MYLIP: variants seen among roughly 807,000 people sequenced by gnomAD.
MYLIP encodes myosin regulatory light chain interacting protein.
A neutral mutation model predicts 45.8 loss-of-function variants in MYLIP; 26 were observed. That is an observed-to-expected ratio of 0.57 (90% CI 0.42 to 0.79). The LOEUF (loss-of-function observed/expected upper bound fraction) is 0.79. Ranked by LOEUF, MYLIP falls within the 30% of genes least tolerant of loss-of-function variation. The probability of loss-of-function intolerance (pLI) is 0.00; values close to 1 mark genes in which losing one functional copy is unlikely to be tolerated. For missense variants in MYLIP, 494 were observed against 555.6 expected, an observed-to-expected ratio of 0.89 and a Z score of 1.11; for synonymous variants, 213 against 218.1, an observed-to-expected ratio of 0.98 and a Z score of 0.21.
chr6:16,129,434 C>G lies in MYLIP; in HGVS notation c.87+25C>G. 1 of 1,562,844 alleles carries G rather than the reference C, an allele frequency of 6.4e-7. No homozygotes were observed. The highest frequency in any genetic ancestry group is 8.7e-7 in the Non-Finnish European group (1 of 1,154,412). ...GGTGAGGGCGAGGGGCAAGAAGGGGCCCCGGCGGGTCCCGCGAGGCCGAGG... is the reference window on the plus strand; with the variant it reads ...GGTGAGGGCGAGGGGCAAGAAGGGGGCCCGGCGGGTCCCGCGAGGCCGAGG... On this transcript the variant is annotated intron_variant, in intron 1 of 6. Coordinates refer to ENST00000356840, the MANE Select transcript of MYLIP (RefSeq NM_013262.4). The surrounding 1 kb of genome is among the most constrained non-coding windows in gnomAD (Gnocchi z 5.1).
downstream of MYLIP, among the ~76,000 whole-genome samples, chr6:16,152,908 T>G (rs147586314): frequency 7.2e-5 from 11 of 152,200 alleles, no homozygotes; most frequent in African/African-American, 2.6e-4. Context: ...ATACAGGGTA[T>G]GTGGTTGGAT....
chr6:16,133,058 G>C (rs1428492525), intron 2 of MYLIP, among the ~76,000 whole-genome samples: 5 of 152,192 alleles, frequency 3.3e-5, no homozygotes, highest in African/African-American at 9.7e-5. Context: ...TAACTTATTA[G>C]TTCATATCAG....
intron 2 of MYLIP, among the ~76,000 whole-genome samples, chr6:16,136,040 T>A (rs1759549781): frequency 6.6e-6 from 1 of 152,116 alleles, no homozygotes; most frequent in African/African-American, 2.4e-5. Context: ...TACTTCAGCA[T>A]GCATAACATT....
Position 16,145,307 on chromosome 6 carries a change from C to T in MYLIP, c.1238C>T (p.Ala413Val). The change falls in exon 6 of 7, where the codon GCC becomes GTC. Residue 413 changes from alanine (A) to valine (V), a missense_variant. Transcript: ENST00000356840. ...ACTGTGTGCTGTGAGAGCTGCGCCG[C>T]CCAGCTACAGGTAGGGGAGTCAGCT... ...GHTVCCESCA[A>V]QLQSCPVCRS... The T allele has an allele frequency of 6.3e-7, 1 of 1,587,562 alleles. No homozygotes were observed. Among genetic ancestry groups the T allele is most frequent in the Non-Finnish European group, 8.6e-7 (1 of 1,162,266 alleles).
At chr6:16,152,242 G>C (rs1759887170), downstream of MYLIP, among the ~76,000 whole-genome samples, 1 of 152,260 alleles carries the variant, frequency 6.6e-6, no homozygotes, top group Admixed American at 6.5e-5. Context: ...GAAAGCTACA[G>C]TAAGGAGTTT....
intron 2 of MYLIP, among the ~76,000 whole-genome samples, chr6:16,136,599 G>A (rs1581603073): frequency 6.6e-6 from 1 of 152,120 alleles, no homozygotes. Flanking sequence ...ATACCTAAGA[G>A]TGGAATAGCT....
the MYLIP span, among the ~76,000 whole-genome samples, chr6:16,157,550 A>T: frequency 6.6e-6 from 1 of 152,246 alleles, no homozygotes; most frequent in Admixed American, 6.5e-5. Context: ...TCAATAGATG[A>T]ATGACTCATA....
downstream of MYLIP, among the ~76,000 whole-genome samples, chr6:16,151,798 C>T (rs893373569): frequency 9.9e-5 from 15 of 152,138 alleles, no homozygotes; most frequent in African/African-American, 3.4e-4. Context: ...AGAAAAAATA[C>T]ACTTTAAGCA....
At position 16,147,466 on chromosome 6, in the gene MYLIP, T is replaced by C. The variant is rs1236323503; in HGVS notation, c.*715T>C. The C allele has an allele frequency of 6.6e-6, 1 of 152,450 alleles. No homozygotes were observed. Among genetic ancestry groups the C allele is most frequent in the African/African-American group, 2.4e-5 (1 of 41,440 alleles). The allele number at this position is 152,450 out of a possible 1,614,324, so 9.4% of individuals were successfully genotyped here. A position where few individuals can be genotyped will look rare whatever the true frequency, so the allele number is the denominator to read the frequency against. On this transcript the variant is annotated 3_prime_UTR_variant, in exon 7 of 7. Coordinates refer to ENST00000356840, the MANE Select transcript of MYLIP (RefSeq NM_013262.4). ...TTATAAAATACTACCAATCTTGTTA[T>C]AAGATTACTGTGGAGTAGTCAAGTA... is the stretch of plus-strand genomic sequence containing the variant.
chr6:16,161,551 A>G, the MYLIP span: 2 of 152,592 alleles, frequency 1.3e-5, no homozygotes, highest in East Asian at 3.8e-4. Flanking sequence ...ACTTGAGATG[A>G]AAATATCAAG....
chr6:16,140,970 G>A (rs185412324), intron 2 of MYLIP, among the ~76,000 whole-genome samples: 10 of 152,180 alleles, frequency 6.6e-5, no homozygotes, highest in African/African-American at 2.4e-4. Context: ...ACAAATGGGA[G>A]GATAGAACTG....
At chr6:16,162,377 C>CA in the MYLIP span, among the ~76,000 whole-genome samples, 4 of 152,096 alleles carry the variant, frequency 2.6e-5, no homozygotes, top group African/African-American at 7.2e-5. Context: ...ATTCCTATCA[C>CA]AAAAAACACC....
chr6:16,136,375 A>AT (rs1759556757), intron 2 of MYLIP, among the ~76,000 whole-genome samples: 1 of 151,922 alleles, frequency 6.6e-6, no homozygotes, highest in African/African-American at 2.4e-5. Context: ...TTCATCACAG[A>AT]TTTTTTGAGA....
chr6:16,145,141 A>G lies in MYLIP; in HGVS notation c.1072A>G (p.Met358Val), dbSNP rs749830853. Residue 358 changes from methionine (M) to valine (V), a missense_variant, in exon 6 of 7, where the codon ATG becomes GTG. Physicochemically the swap from Met to Val is conservative, Grantham distance 21 (BLOSUM62 1). Coordinates refer to ENST00000356840, the MANE Select transcript of MYLIP (RefSeq NM_013262.4). The part of the protein sequence containing the change: ...HSPLKSSESS[M>V]NCSSCEGLSC... ...GCCTCTGAAGTCCTCAGAAAGCAGCATGAACTGCAGCAGCTGCGAGGGCCT... is the reference window on the plus strand; with the variant it reads ...GCCTCTGAAGTCCTCAGAAAGCAGCGTGAACTGCAGCAGCTGCGAGGGCCT... 6.2e-7 allele frequency: 1 copy of G among 1,614,200 alleles called. No individual in the cohort carries two copies. Among genetic ancestry groups the G allele is most frequent in the Non-Finnish European group, 8.5e-7 (1 of 1,180,032 alleles).
the MYLIP span, among the ~76,000 whole-genome samples, chr6:16,160,039 C>A: frequency 2.6e-5 from 4 of 152,194 alleles, no homozygotes; most frequent in African/African-American, 9.6e-5. Context: ...GCTCACCCTC[C>A]TGGAAGTTTG....
chr6:16,139,479 A>G (rs1451370401), intron 2 of MYLIP, among the ~76,000 whole-genome samples: 2 of 152,206 alleles, frequency 1.3e-5, no homozygotes, highest in African/African-American at 2.4e-5. Context: ...TTCAGAGCGT[A>G]ATTTCTTCTT....
chr6:16,160,183 G>A, the MYLIP span, among the ~76,000 whole-genome samples: 2 of 152,140 alleles, frequency 1.3e-5, no homozygotes, highest in Non-Finnish European at 2.9e-5. Context: ...CTTCATTGTA[G>A]TGGTGGTGGT....
chr6:16,142,123 A>T (rs548623132), intron 3 of MYLIP, among the ~76,000 whole-genome samples: 1 of 152,362 alleles, frequency 6.6e-6, no homozygotes, highest in Non-Finnish European at 1.5e-5. Flanking sequence ...CATCAGGGCT[A>T]CTGCATATAT....
At chr6:16,138,685 A>C (rs1759605418) in intron 2 of MYLIP, among the ~76,000 whole-genome samples, 1 of 152,232 alleles carries the variant, frequency 6.6e-6, no homozygotes, top group South Asian at 2.1e-4. Context: ...ACCCCAGCTT[A>C]GGGCTGGGCA....
Sources: gnomAD v4.1 joint callset for allele counts (sites outside exome capture counted in the v4.1 genomes callset) on GRCh38, gnomAD v4.1.1 for gene constraint, Gnocchi (gnomAD v3.1) non-coding constraint, MANE v1.5 for transcripts, NCBI Gene and HGNC (gene_info 2026-07-23, HGNC 2026-07-21) for gene names.